COL25A1: variants seen among roughly 807,000 people sequenced by gnomAD.
The protein encoded by COL25A1 is collagen type XXV alpha 1 chain.
In COL25A1, 103 loss-of-function variants were observed where a neutral mutation model predicts 128.4. That is an observed-to-expected ratio of 0.80 (90% CI 0.68 to 0.94). The LOEUF (loss-of-function observed/expected upper bound fraction) is 0.94. Among genes scored for constraint, COL25A1 ranks in the 40% least tolerant of loss-of-function variants. The pLI is 0.00. For missense variants in COL25A1, 745 were observed against 840.0 expected (o/e 0.89, Z 1.40); for synonymous variants, 279 against 277.2 (o/e 1.01, Z -0.06).
intron 35 of COL25A1, chr4:108,819,804 A>G: frequency 8.2e-7 from 1 of 1,221,986 alleles, no homozygotes; most frequent in Non-Finnish European, 1.0e-6. Context: ...TCCACAAGTC[A>G]GACATACCAA....
intron 6 of COL25A1, among the ~76,000 whole-genome samples, chr4:108,979,559 G>C (rs567884614): frequency 6.6e-6 from 1 of 152,234 alleles, no homozygotes; most frequent in East Asian, 1.9e-4. Context: ...ATTCTGCTTG[G>C]GGTAGAAAAA....
chr4:109,196,031 G>A (rs1435166422), intron 3 of COL25A1, among the ~76,000 whole-genome samples: 1 of 152,190 alleles, frequency 6.6e-6, no homozygotes, highest in Non-Finnish European at 1.5e-5. Flanking sequence ...AGCGAAGAAG[G>A]TAATTGACCA....
At chr4:109,209,264 A>G (rs1777300521) in intron 3 of COL25A1, among the ~76,000 whole-genome samples, 1 of 152,162 alleles carries the variant, frequency 6.6e-6, no homozygotes, top group Non-Finnish European at 1.5e-5. Flanking sequence ...AGATGAAACT[A>G]ATCACATAAC....
At chr4:109,283,338 C>A (rs1723566714) in intron 3 of COL25A1, among the ~76,000 whole-genome samples, 1 of 152,170 alleles carries the variant, frequency 6.6e-6, no homozygotes, top group South Asian at 2.1e-4. Context: ...CCTCGAACTT[C>A]TGGGCTCAAG....
intron 19 of COL25A1, among the ~76,000 whole-genome samples, chr4:108,876,487 C>T (rs1739473399): frequency 6.6e-6 from 1 of 151,964 alleles, no homozygotes; most frequent in Non-Finnish European, 1.5e-5. Flanking sequence ...TGGAAATCTC[C>T]AACTAGATCT....
chr4:109,172,674 G>A (rs1462974740), intron 3 of COL25A1, among the ~76,000 whole-genome samples: 1 of 152,174 alleles, frequency 6.6e-6, no homozygotes, highest in Admixed American at 6.5e-5. Flanking sequence ...ATCCCTTTCT[G>A]AGGCCAAAAT....
intron 3 of COL25A1, among the ~76,000 whole-genome samples, chr4:109,052,398 G>A (rs1306111950): frequency 2.0e-5 from 3 of 152,084 alleles, no homozygotes; most frequent in Non-Finnish European, 4.4e-5. Flanking sequence ...AACAGCACTT[G>A]GCAAGACAGA....
chr4:109,141,996 C>G (rs1453523086), intron 3 of COL25A1, among the ~76,000 whole-genome samples: 1 of 152,128 alleles, frequency 6.6e-6, no homozygotes, highest in Admixed American at 6.5e-5. Flanking sequence ...TCTTGCTTCT[C>G]TAGTTCCTTT....
intron 3 of COL25A1, among the ~76,000 whole-genome samples, chr4:109,262,279 C>T (rs956608921): frequency 6.6e-5 from 10 of 151,924 alleles, no homozygotes; most frequent in Non-Finnish European, 7.4e-5. Flanking sequence ...TTTGGGAGGC[C>T]GAGGCGGGTG....
chr4:109,268,182 G>T (rs1781919089), intron 3 of COL25A1, among the ~76,000 whole-genome samples: 1 of 152,176 alleles, frequency 6.6e-6, no homozygotes, highest in African/African-American at 2.4e-5. Flanking sequence ...TTTTGTCACA[G>T]GTAATAGCAT....
chr4:109,033,575 G>A (rs148569180), intron 5 of COL25A1, among the ~76,000 whole-genome samples: 4 of 152,202 alleles, frequency 2.6e-5, no homozygotes, highest in East Asian at 1.9e-4. Context: ...TTGCTTTTGC[G>A]GTCCTGAGGA....
At chr4:108,937,944 T>C (rs2125923997) in intron 10 of COL25A1, 101 bp from the exon 11 acceptor site, 1 of 883,264 alleles carries the variant, frequency 1.1e-6, no homozygotes, top group South Asian at 1.6e-5. Context: ...AAATGTCAAA[T>C]ATATTTCTTC....
intron 3 of COL25A1, among the ~76,000 whole-genome samples, chr4:109,250,401 G>A (rs1780570996): frequency 1.6e-5 from 1 of 61,164 alleles, no homozygotes; most frequent in Non-Finnish European, 2.5e-5. Context: ...CACACATATG[G>A]GGAGAGAGAG....
At chr4:109,048,647 T>C (rs1038820683) in intron 4 of COL25A1, among the ~76,000 whole-genome samples, 1 of 152,160 alleles carries the variant, frequency 6.6e-6, no homozygotes, top group Non-Finnish European at 1.5e-5. Context: ...AAAGACTAGG[T>C]CCTCACGTTT....
intron 3 of COL25A1, among the ~76,000 whole-genome samples, chr4:109,237,345 G>A (rs1779542101): frequency 6.6e-6 from 1 of 152,080 alleles, no homozygotes; most frequent in South Asian, 2.1e-4. Context: ...CATAAGTGGA[G>A]ATGAATAAAA....
intron 18 of COL25A1, among the ~76,000 whole-genome samples, chr4:108,886,043 A>G (rs1455890872): frequency 3.3e-5 from 5 of 152,206 alleles, no homozygotes; most frequent in Non-Finnish European, 7.3e-5. Flanking sequence ...ATGTAGATTG[A>G]CTACTTACAG....
chr4:109,139,571 A>C (rs2126083523), intron 3 of COL25A1, among the ~76,000 whole-genome samples: 1 of 152,252 alleles, frequency 6.6e-6, no homozygotes, highest in South Asian at 2.1e-4. Flanking sequence ...CCATTTATTA[A>C]ATATGGAATC....
chr4:109,067,831 G>C (rs1267412744), intron 3 of COL25A1, among the ~76,000 whole-genome samples: 1 of 152,146 alleles, frequency 6.6e-6, no homozygotes, highest in South Asian at 2.1e-4. Flanking sequence ...TTAGAGAAAT[G>C]AACAGTTTTC....
At chr4:108,838,610 C>G (rs1481775567) in intron 31 of COL25A1, among the ~76,000 whole-genome samples, 1 of 152,150 alleles carries the variant, frequency 6.6e-6, no homozygotes, top group Non-Finnish European at 1.5e-5. Flanking sequence ...TATTTTAAGC[C>G]TTTAAGCATG....
Sources: allele counts gnomAD v4.1 joint callset (sites outside exome capture counted in the v4.1 genomes callset), GRCh38; gene constraint gnomAD v4.1.1; transcripts MANE v1.5; gene names NCBI Gene and HGNC (gene_info 2026-07-23, HGNC 2026-07-21).